Variants in CSMD1 observed in about 807,000 individuals in gnomAD.
CSMD1 encodes CUB and sushi domain-containing protein 1.
CSMD1 carries 213 observed loss-of-function variants against 417.5 expected under a neutral mutation model. That is an observed-to-expected ratio of 0.51 (90% CI 0.46 to 0.57). CSMD1 has a LOEUF of 0.57. Ranked by LOEUF, CSMD1 falls within the 20% of genes least tolerant of loss-of-function variation. The pLI, the probability that CSMD1 is intolerant of heterozygous loss-of-function variation, is 0.00. For missense variants in CSMD1, 6,923 were observed against 4,529.7 expected (o/e 1.53, Z -15.17); for synonymous variants, 2,862 against 1,736.8 (o/e 1.65, Z -16.11).
chr8:3,485,534 C>CAT (rs1220224705), intron 11 of CSMD1, among the ~76,000 whole-genome samples: 4 of 106,184 alleles, frequency 3.8e-5, no homozygotes, highest in Admixed American at 2.0e-4. Context: ...AATACACACA[C>CAT]ACACAGAGAG....
intron 26 of CSMD1, among the ~76,000 whole-genome samples, chr8:3,283,356 C>T (rs9314476): frequency 0.72 from 109,531 of 151,768 alleles, 40,498 homozygotes; most frequent in Admixed American, 0.82. Context: ...TGAAGATAGG[C>T]TCTACATTTA....
rs567526358 is a variant in CSMD1 at position 4,535,549 on chromosome 8, A to G, written c.302+101793T>C. On this transcript the variant is annotated intron_variant, in intron 2 of 69. Transcript: ENST00000635120. ...AAATTTTTTATCTTGTAACAGTAAG[A>G]GCTCTCCAAGTTACTCGTAGGTTAA... 2.0e-5 allele frequency among the ~76,000 whole-genome samples: 3 copies of G among 152,230 alleles called. No homozygotes were observed. In the East Asian group the frequency reaches 5.8e-4, roughly 29 times the overall value.
At chr8:4,940,193 TAAG>T (rs1295625002) in intron 1 of CSMD1, among the ~76,000 whole-genome samples, 3 of 152,104 alleles carry the variant, frequency 2.0e-5, no homozygotes, top group Non-Finnish European at 2.9e-5. Context: ...ATTTCCTCTT[TAAG>T]AAGATCCTGG....
At chr8:4,590,962 G>C (rs1406027914) in intron 2 of CSMD1, among the ~76,000 whole-genome samples, 2 of 152,190 alleles carry the variant, frequency 1.3e-5, no homozygotes, top group Admixed American at 6.5e-5. Flanking sequence ...AAACACACCT[G>C]GTTGCTGTCT....
At chr8:3,641,988 G>C (rs956691223) in intron 7 of CSMD1, among the ~76,000 whole-genome samples, 3 of 152,072 alleles carry the variant, frequency 2.0e-5, no homozygotes, top group African/African-American at 4.8e-5. Context: ...AATCCTAAGA[G>C]ATTAGCAGCC....
At chr8:3,501,842 C>G (rs1254798114) in intron 10 of CSMD1, among the ~76,000 whole-genome samples, 1 of 151,958 alleles carries the variant, frequency 6.6e-6, no homozygotes, top group Non-Finnish European at 1.5e-5. Flanking sequence ...TTGTAAGGGC[C>G]AATCATAAAA....
At chr8:3,696,135 T>A (rs981923885) in intron 7 of CSMD1, among the ~76,000 whole-genome samples, 1 of 152,240 alleles carries the variant, frequency 6.6e-6, no homozygotes, top group Non-Finnish European at 1.5e-5. Flanking sequence ...AAGCCATGGT[T>A]TTCCCAGATA....
intron 12 of CSMD1, among the ~76,000 whole-genome samples, chr8:3,443,039 T>C (rs553261563): frequency 5.3e-5 from 8 of 152,324 alleles, no homozygotes; most frequent in Non-Finnish European, 1.2e-4. Context: ...ATAATTACAA[T>C]GAATATGAGT....
At chr8:3,573,998 C>G (rs1325463081) in intron 10 of CSMD1, among the ~76,000 whole-genome samples, 3 of 151,900 alleles carry the variant, frequency 2.0e-5, no homozygotes, top group South Asian at 4.2e-4. Context: ...GCCAATGAAA[C>G]ATGATTATGA....
At chr8:4,854,584 G>C (rs1419647521) in intron 1 of CSMD1, among the ~76,000 whole-genome samples, 3 of 152,196 alleles carry the variant, frequency 2.0e-5, no homozygotes, top group African/African-American at 2.4e-5. Context: ...AGCAGGGCGA[G>C]GCATTGCCTC....
chr8:4,894,337 T>C (rs1304393223), intron 1 of CSMD1, among the ~76,000 whole-genome samples: 1 of 152,088 alleles, frequency 6.6e-6, no homozygotes, highest in Non-Finnish European at 1.5e-5. Flanking sequence ...TTTCTACTAA[T>C]TCACTGCTTG....
intron 45 of CSMD1, 135 bp downstream of exon 45, chr8:3,107,583 T>C: frequency 1.9e-6 from 1 of 529,140 alleles, no homozygotes; most frequent in Non-Finnish European, 3.2e-6. Context: ...ACTTTAAGGA[T>C]AGTTTGTTCT....
chr8:4,335,386 G>C (rs1298778331), intron 3 of CSMD1, among the ~76,000 whole-genome samples: 1 of 152,038 alleles, frequency 6.6e-6, no homozygotes, highest in Non-Finnish European at 1.5e-5. Context: ...CACATCTTCT[G>C]AATACATTAA....
chr8:3,509,626 G>A (rs1323957765), intron 10 of CSMD1, among the ~76,000 whole-genome samples: 2 of 152,142 alleles, frequency 1.3e-5, no homozygotes, highest in African/African-American at 2.4e-5. Context: ...TCTAATCTGG[G>A]AAAGGGAAGA....
chr8:4,742,218 G>A (rs890406777), intron 1 of CSMD1, among the ~76,000 whole-genome samples: 7 of 150,672 alleles, frequency 4.6e-5, no homozygotes, highest in Non-Finnish European at 1.5e-5. Context: ...TTTTAGTAGA[G>A]ACGGGGTTTC....
chr8:3,225,792 TTCTC>T (rs765581517), intron 27 of CSMD1, among the ~76,000 whole-genome samples: 7 of 152,238 alleles, frequency 4.6e-5, no homozygotes, highest in Non-Finnish European at 7.3e-5. Context: ...GCCCTGTTTG[TTCTC>T]TCTTTTGGTC....
At chr8:3,516,910 C>G (rs1008655653) in intron 10 of CSMD1, among the ~76,000 whole-genome samples, 5 of 152,144 alleles carry the variant, frequency 3.3e-5, no homozygotes, top group Non-Finnish European at 7.3e-5. Context: ...ACTGCAAAAT[C>G]GTAGAACCAA....
At chr8:4,716,109 G>C (rs930509714) in intron 1 of CSMD1, among the ~76,000 whole-genome samples, 1 of 152,174 alleles carries the variant, frequency 6.6e-6, no homozygotes, top group East Asian at 1.9e-4. Flanking sequence ...TTAGTCGGGA[G>C]ACTCACAGAG....
chr8:3,886,488 T>A (rs550652892), intron 5 of CSMD1, among the ~76,000 whole-genome samples: 1 of 152,332 alleles, frequency 6.6e-6, no homozygotes, highest in African/African-American at 2.4e-5. Context: ...AGCCATACGG[T>A]CTCTGTCACA....
Sources: allele counts gnomAD v4.1 joint callset (sites outside exome capture counted in the v4.1 genomes callset), GRCh38; gene constraint gnomAD v4.1.1; transcripts MANE v1.5; gene names NCBI Gene and HGNC (gene_info 2026-07-23, HGNC 2026-07-21).